The following NCF4 variants were observed in gnomAD, a reference collection of about 807,000 sequenced individuals.
The protein encoded by NCF4 is neutrophil cytosolic factor 4, also known as neutrophil cytosol factor 4.
A neutral mutation model predicts 41.7 loss-of-function variants in NCF4; 30 were observed. The observed-to-expected ratio is 0.72, with a 90% CI of 0.54 to 0.97. The LOEUF is 0.97. Ranked by LOEUF, NCF4 falls within the 50% of genes least tolerant of loss-of-function variation. The probability of loss-of-function intolerance (pLI) is 0.00; values close to 1 mark genes in which losing one functional copy is unlikely to be tolerated. For synonymous variants in NCF4, 195 were observed against 175.8 expected, an observed-to-expected ratio of 1.11 and a Z score of -0.87; for missense variants, 432 against 460.9, an observed-to-expected ratio of 0.94 and a Z score of 0.57.
chr22:36,870,474 C>T lies in NCF4; in HGVS notation c.402C>T (p.Tyr134=). The T allele has an allele frequency of 6.2e-7, 1 of 1,613,962 alleles. No homozygotes were observed. The highest frequency in any genetic ancestry group is 8.5e-7 in the Non-Finnish European group (1 of 1,180,030). The change falls in exon 5 of 10, where the codon TAC becomes TAT. Residue 134 remains tyrosine, a synonymous_variant. Transcript: ENST00000248899. ...LMDEDVRIFF[Y]QSPYDSEQVP... ...ATGAGGACGTCCGGATCTTCTTTTA[C>T]CAGTCGCCCTATGACTCAGAGCAGG...
Position 36,877,267 on chromosome 22 carries a change from G to A in NCF4, c.825-361G>A, listed in dbSNP as rs145089971. Among the ~76,000 whole-genome samples the A allele has an allele frequency of 4.1e-3, 629 of 152,222 alleles. 6 individuals are homozygous for A. Among genetic ancestry groups the A allele is most frequent in the African/African-American group, 0.015 (602 of 41,510 alleles). On this transcript the variant is annotated intron_variant, in intron 9 of 9. Coordinates refer to ENST00000248899, the MANE Select transcript of NCF4 (RefSeq NM_000631.5). ...TTCTCCTGCCTCAGCCTCCTGAGTG[G>A]CTGGGATCACAGGTGCATACTACCT...
At chr22:36,871,814 G>A in intron 6 of NCF4, 105 bp downstream of exon 6, 1 of 1,308,216 alleles carries the variant, frequency 7.6e-7, no homozygotes. Flanking sequence ...TGTGTGCCTG[G>A]GACAGTGCTG....
chr22:36,867,300 C>A, intron 3 of NCF4, 92 bp from the exon 4 acceptor site: 7 of 1,343,128 alleles, frequency 5.2e-6, no homozygotes, highest in Non-Finnish European at 7.5e-6. Context: ...CGGGAAGGGG[C>A]TCTGGCCAGG....
intron 1 of NCF4, among the ~76,000 whole-genome samples, chr22:36,863,056 G>A (rs911386723): frequency 6.6e-6 from 1 of 152,158 alleles, no homozygotes; most frequent in Non-Finnish European, 1.5e-5. Flanking sequence ...TATTCCAGGG[G>A]ACTTCCGGTT....
intron 3 of NCF4, among the ~76,000 whole-genome samples, chr22:36,866,682 G>T (rs978281310): frequency 3.3e-5 from 5 of 152,116 alleles, no homozygotes; most frequent in Admixed American, 6.5e-5. Context: ...TTTCAGACTT[G>T]CTTCCTCGTA....
At chr22:36,875,593 G>A in intron 7 of NCF4, 60 bp from the exon 8 acceptor site, 2 of 1,516,644 alleles carry the variant, frequency 1.3e-6, no homozygotes. Flanking sequence ...TGAGGGCTCT[G>A]AGGCGTGGCT....
intron 6 of NCF4, chr22:36,872,051 G>A (rs1349409491): frequency 4.4e-6 from 3 of 682,616 alleles, no homozygotes; most frequent in African/African-American, 1.8e-5. Context: ...TGAAGCCTGG[G>A]GACCAGGGTG....
rs548659876 is a variant in NCF4 at position 36,870,278 on chromosome 22, G to A, written c.343-137G>A. The A allele has an allele frequency of 4.3e-4, 536 of 1,235,594 alleles. 2 individuals are homozygous for A. The highest frequency in any genetic ancestry group is 3.7e-3 in the South Asian group (300 of 81,456). 76.5% of individuals were successfully genotyped at this position (1,235,594 alleles called of 1,614,324 possible). A position where few individuals can be genotyped will look rare whatever the true frequency, so the allele number is the denominator to read the frequency against. On this transcript the variant is annotated intron_variant, in intron 4 of 9. Coordinates refer to ENST00000248899, the MANE Select transcript of NCF4 (RefSeq NM_000631.5). ...GAGTTTTCTTATTCTTTTAAACAAC[G>A]CATTTCTGTTATCAGGCATCATGCA...
At chr22:36,868,542 T>A (rs941444550) in intron 4 of NCF4, among the ~76,000 whole-genome samples, 1 of 151,692 alleles carries the variant, frequency 6.6e-6, no homozygotes, top group African/African-American at 2.4e-5. Flanking sequence ...GCTGCAGGAA[T>A]CCTGGGCTCT....
intron 2 of NCF4, among the ~76,000 whole-genome samples, chr22:36,864,449 G>C (rs751150219): frequency 6.6e-6 from 1 of 152,132 alleles, no homozygotes; most frequent in African/African-American, 2.4e-5. Flanking sequence ...AATCCTGATC[G>C]CGTCCTTTGA....
At position 36,867,422 on chromosome 22, in the gene NCF4, T is replaced by C; in HGVS notation, c.302T>C (p.Ile101Thr). Reference sequence around the variant, plus strand: ...GTCTACGTGGGTGTGAAACAGGAGATCGCCGAGATGCGGATACCTGCCCTC... The same window carrying C: ...GTCTACGTGGGTGTGAAACAGGAGACCGCCGAGATGCGGATACCTGCCCTC... ...AKVYVGVKQE[I>T]AEMRIPALNA... The change falls in exon 4 of 10, where the codon ATC (isoleucine) becomes ACC (threonine). Residue 101 changes from isoleucine to threonine, a missense_variant. Physicochemically the swap from Ile to Thr is moderately conservative, Grantham distance 89. Transcript: ENST00000248899. 1.2e-6 allele frequency: 2 copies of C among 1,614,118 alleles called. No homozygotes were observed. The highest frequency in any genetic ancestry group is 8.5e-7 in the Non-Finnish European group (1 of 1,180,016).
intron 7 of NCF4, among the ~76,000 whole-genome samples, chr22:36,872,816 G>T (rs569123182): frequency 8.3e-6 from 1 of 120,764 alleles, no homozygotes; most frequent in Non-Finnish European, 1.7e-5. Flanking sequence ...GGAGATGAGG[G>T]TGAAGGTGAG....
At chr22:36,861,670 C>A (rs34421414) in intron 1 of NCF4, among the ~76,000 whole-genome samples, 12,434 of 152,236 alleles carry the variant, frequency 0.082, 623 homozygotes, top group African/African-American at 0.13. Flanking sequence ...TGACCCTTTG[C>A]CCTATTTCCC....
intron 5 of NCF4, 87 bp downstream of exon 5, chr22:36,870,629 G>A: frequency 2.6e-6 from 4 of 1,531,338 alleles, no homozygotes; most frequent in Admixed American, 3.5e-5. Flanking sequence ...AGGAGAGAAG[G>A]AAAATACAGA....
intron 1 of NCF4, among the ~76,000 whole-genome samples, chr22:36,862,163 T>C (rs1413527012): frequency 6.6e-6 from 1 of 152,112 alleles, no homozygotes; most frequent in African/African-American, 2.4e-5. Flanking sequence ...ACCCCCTGGA[T>C]TGGAACAGCA....
chr22:36,868,465 A>T (rs1939978947), intron 4 of NCF4, among the ~76,000 whole-genome samples: 1 of 152,010 alleles, frequency 6.6e-6, no homozygotes, highest in Non-Finnish European at 1.5e-5. Context: ...AGAGATCTTG[A>T]CTCCTGATGG....
intron 1 of NCF4, among the ~76,000 whole-genome samples, chr22:36,862,973 A>T (rs545248780): frequency 6.6e-6 from 1 of 152,236 alleles, no homozygotes; most frequent in Non-Finnish European, 1.5e-5. Context: ...AAAGTCTGTG[A>T]ACTGTGCGAG....
At position 36,865,599 on chromosome 22, in the gene NCF4, C is replaced by T. The variant is rs978571322; in HGVS notation, c.271+527C>T. On this transcript the variant is annotated intron_variant, in intron 3 of 9. Transcript: ENST00000248899. The surrounding 1 kb of genome is among the most constrained non-coding windows in gnomAD (Gnocchi z 4.3). ...CCCGCCCCCTGGCCTCCTGGTCCTT[C>T]CTCCCCAGCTGGATCCTAACGCGCA... Among the ~76,000 whole-genome samples, 3 of 152,102 alleles carry T rather than the reference C, an allele frequency of 2.0e-5. No homozygotes were observed. Among genetic ancestry groups the T allele is most frequent in the African/African-American group, 7.2e-5 (3 of 41,412 alleles).
Position 36,876,042 on chromosome 22 carries a change from G to C in NCF4, c.772G>C (p.Glu258Gln), listed in dbSNP as rs1428447438. ...TCACCCCCTTAGGGACATCGCGGTG[G>C]AGGAAGATCTCAGCAGCACTCCCCT... ...TISTIKDIAV[E>Q]EDLSSTPLLK... The change falls in exon 9 of 10, where the codon GAG (glutamate) becomes CAG (glutamine). Residue 258 changes from glutamate to glutamine, a missense_variant. Coordinates refer to ENST00000248899, the MANE Select transcript of NCF4 (RefSeq NM_000631.5). The C allele has an allele frequency of 3.1e-6, 5 of 1,612,816 alleles. No homozygotes were observed. The highest frequency in any genetic ancestry group is 3.3e-5 in the Admixed American group (2 of 60,000).
Sources: gnomAD v4.1 joint callset for allele counts (sites outside exome capture counted in the v4.1 genomes callset) on GRCh38, gnomAD v4.1.1 for gene constraint, Gnocchi (gnomAD v3.1) non-coding constraint, MANE v1.5 for transcripts, NCBI Gene and HGNC (gene_info 2026-07-23, HGNC 2026-07-21) for gene names.